Variants in MYO5B observed in about 807,000 individuals in gnomAD.
MYO5B encodes myosin VB.
Under a neutral mutation model 229.3 loss-of-function variants are expected in MYO5B, and 143 were observed. That is an observed-to-expected ratio of 0.62 (90% CI 0.54 to 0.72). The LOEUF (loss-of-function observed/expected upper bound fraction) is 0.72. MYO5B is among the 30% of genes least tolerant of loss of function. The pLI is 0.00. For synonymous variants in MYO5B, 918 were observed against 885.2 expected, an observed-to-expected ratio of 1.04 and a Z score of -0.66; for missense variants, 2,321 against 2,331.0, an observed-to-expected ratio of 1.00 and a Z score of 0.09.
Position 50,034,541 on chromosome 18 carries a change from C to T in MYO5B, c.455+2309G>A, listed in dbSNP as rs143780375. On this transcript the variant is annotated intron_variant, in intron 4 of 39. Transcript: ENST00000285039. The stretch of plus-strand genomic sequence containing the variant: ...GGTGGATTACCTGAGGTCAGAAGTT[C>T]GAGGCCAGCCTGGCCAACATGGTGA... Among the ~76,000 whole-genome samples, 352 of 152,200 alleles carry T rather than the reference C, an allele frequency of 2.3e-3. 1 individual carries two copies. The highest frequency in any genetic ancestry group is 8.1e-3 in the African/African-American group (338 of 41,530).
At chr18:50,046,998 C>T (rs1264300496) in intron 2 of MYO5B, among the ~76,000 whole-genome samples, 1 of 152,090 alleles carries the variant, frequency 6.6e-6, no homozygotes, top group Non-Finnish European at 1.5e-5. Flanking sequence ...AGAAGAAAAC[C>T]TAGGCAATAC....
At chr18:50,149,003 A>T (rs1321237338) in intron 1 of MYO5B, among the ~76,000 whole-genome samples, 2 of 150,828 alleles carry the variant, frequency 1.3e-5, no homozygotes. Context: ...ATACAAAATC[A>T]ATGTACAAAA....
At position 50,048,623 on chromosome 18, in the gene MYO5B, G is replaced by A. The variant is rs533943702; in HGVS notation, c.138+6645C>T. ...ATCACAGGGTCCCACTGAACTGCAA[G>A]GGAGCTACGAACCATGGCGAAGCAT... is the stretch of plus-strand genomic sequence containing the variant. On this transcript the variant is annotated intron_variant, in intron 2 of 39. Transcript: ENST00000285039. Among the ~76,000 whole-genome samples, 12 of 152,280 alleles carry A rather than the reference G, an allele frequency of 7.9e-5. No homozygotes were observed. The South Asian group carries it at 1.2e-3, about 16-fold the overall frequency.
chr18:49,889,278 G>A (rs537307573), intron 22 of MYO5B, among the ~76,000 whole-genome samples: 1 of 152,316 alleles, frequency 6.6e-6, no homozygotes, highest in Non-Finnish European at 1.5e-5. Context: ...ATTGCTGGAG[G>A]CAGTTCACTC....
At chr18:50,012,968 A>G (rs1423489802) in intron 4 of MYO5B, among the ~76,000 whole-genome samples, 1 of 152,226 alleles carries the variant, frequency 6.6e-6, no homozygotes, top group African/African-American at 2.4e-5. Flanking sequence ...TTAGCAGATA[A>G]TTCATGTAAC....
intron 27 of MYO5B, among the ~76,000 whole-genome samples, chr18:49,867,244 G>C (rs1465638603): frequency 6.6e-6 from 1 of 152,228 alleles, no homozygotes; most frequent in Non-Finnish European, 1.5e-5. Context: ...AGGTGGAACT[G>C]TCAAGACCTG....
intron 1 of MYO5B, among the ~76,000 whole-genome samples, chr18:50,056,798 G>C (rs907868021): frequency 6.9e-6 from 1 of 144,290 alleles, no homozygotes; most frequent in African/African-American, 2.6e-5. Context: ...TCCTACACTT[G>C]TCTCTAATAT....
At chr18:50,167,166 T>A (rs2032864232) in intron 1 of MYO5B, among the ~76,000 whole-genome samples, 1 of 152,230 alleles carries the variant, frequency 6.6e-6, no homozygotes, top group South Asian at 2.1e-4. Flanking sequence ...GAATCTTACA[T>A]CTTTCCTTAG....
At chr18:49,990,398 G>C in intron 7 of MYO5B, 41 bp downstream of exon 7, 1 of 1,544,532 alleles carries the variant, frequency 6.5e-7, no homozygotes, top group African/African-American at 1.4e-5. Flanking sequence ...CGCTGGAGCA[G>C]TAGCCCACCC....
chr18:49,937,129 T>G, intron 15 of MYO5B, 116 bp downstream of exon 15: 1 of 1,255,232 alleles, frequency 8.0e-7, no homozygotes, highest in Non-Finnish European at 1.2e-6. Context: ...TGGCTGAGGC[T>G]ACTGATGTCA....
At chr18:49,980,390 A>C in intron 9 of MYO5B, 54 bp downstream of exon 9, 2 of 1,282,338 alleles carry the variant, frequency 1.6e-6, no homozygotes, top group Non-Finnish European at 2.3e-6. Flanking sequence ...CAGTCATATC[A>C]AAGAACAGGG....
At chr18:50,109,915 C>A (rs946079840) in intron 1 of MYO5B, among the ~76,000 whole-genome samples, 4 of 152,166 alleles carry the variant, frequency 2.6e-5, no homozygotes, top group Non-Finnish European at 5.9e-5. Flanking sequence ...TGTTCAAAAT[C>A]CTCCACGGGT....
chr18:49,919,674 A>C (rs551580754), intron 17 of MYO5B, among the ~76,000 whole-genome samples: 1 of 152,206 alleles, frequency 6.6e-6, no homozygotes. Context: ...ACAAGAACAA[A>C]TGTTGATGAG....
intron 17 of MYO5B, among the ~76,000 whole-genome samples, chr18:49,926,066 T>C (rs574889667): frequency 2.7e-4 from 41 of 152,168 alleles, no homozygotes; most frequent in African/African-American, 9.7e-4. Flanking sequence ...CCCAGGACAC[T>C]CTCTGTCCTT....
rs751612640 is a variant in MYO5B at position 50,040,249 on chromosome 18, C to T, written c.204G>A (p.Leu68=). 1 of 1,614,070 alleles carries T rather than the reference C, an allele frequency of 6.2e-7. No individual in the cohort carries two copies. Residue 68 remains leucine, a synonymous_variant, in exon 3 of 40, where the codon TTG becomes TTA. Transcript: ENST00000285039. Reference sequence around the variant, plus strand: ...GGGCAGTCAGGTCATTTTCTCCCACCAAGATATCTGGATTCCGTAAGAAGG... The same window carrying T: ...GGGCAGTCAGGTCATTTTCTCCCACTAAGATATCTGGATTCCGTAAGAAGG... ...QLPFLRNPDI[L]VGENDLTALS... is the part of the protein sequence containing the mutation.
chr18:50,074,797 T>C (rs924296775), intron 1 of MYO5B, among the ~76,000 whole-genome samples: 4 of 152,112 alleles, frequency 2.6e-5, no homozygotes, highest in Non-Finnish European at 2.9e-5. Context: ...TTCCAGGAGA[T>C]TGGAGACCCA....
chr18:50,163,544 T>C (rs2032801124), intron 1 of MYO5B, among the ~76,000 whole-genome samples: 1 of 152,184 alleles, frequency 6.6e-6, no homozygotes. Flanking sequence ...TAGTTTCTCC[T>C]CCTATCTTAT....
At chr18:49,927,201 A>G (rs2025138457) in intron 17 of MYO5B, among the ~76,000 whole-genome samples, 1 of 152,208 alleles carries the variant, frequency 6.6e-6, no homozygotes, top group Non-Finnish European at 1.5e-5. Flanking sequence ...ACAACAAAAC[A>G]TTGCTGAAAG....
intron 5 of MYO5B, among the ~76,000 whole-genome samples, chr18:49,992,643 G>C (rs1302558921): frequency 6.6e-6 from 1 of 152,164 alleles, no homozygotes; most frequent in Non-Finnish European, 1.5e-5. Flanking sequence ...GCCAATGAGA[G>C]TAACGAGTTC....
Sources: allele counts gnomAD v4.1 joint callset (sites outside exome capture counted in the v4.1 genomes callset), GRCh38; gene constraint gnomAD v4.1.1; transcripts MANE v1.5; gene names NCBI Gene and HGNC (gene_info 2026-07-23, HGNC 2026-07-21).